The following NSD2 variants were observed in gnomAD, a reference collection of about 807,000 sequenced individuals.
NSD2 encodes histone-lysine N-methyltransferase NSD2.
In NSD2, 12 loss-of-function variants were observed where a neutral mutation model predicts 139.0. That is an observed-to-expected ratio of 0.09 (90% CI 0.06 to 0.14). The LOEUF (loss-of-function observed/expected upper bound fraction) is 0.14. Among genes scored for constraint, NSD2 ranks in the 10% least tolerant of loss-of-function variants. The pLI, the probability that NSD2 is intolerant of heterozygous loss-of-function variation, is 1.00. For missense variants in NSD2, 1,155 were observed against 1,745.0 expected, an observed-to-expected ratio of 0.66 and a Z score of 6.02; for synonymous variants, 669 against 648.7, an observed-to-expected ratio of 1.03 and a Z score of -0.48.
At chr4:1,970,364 G>A (rs879623904) in intron 18 of NSD2, among the ~76,000 whole-genome samples, 5 of 152,318 alleles carry the variant, frequency 3.3e-5, no homozygotes, top group Non-Finnish European at 7.4e-5. Context: ...TGGCTCTCTG[G>A]GTGTAACAGC....
At chr4:1,928,683 T>C (rs1367531889) in intron 5 of NSD2, among the ~76,000 whole-genome samples, 1 of 152,002 alleles carries the variant, frequency 6.6e-6, no homozygotes, top group Non-Finnish European at 1.5e-5. Flanking sequence ...TAAAGGACAC[T>C]GTTAGCATTC....
chr4:1,944,427 A>C, intron 9 of NSD2: 3 of 1,065,328 alleles, frequency 2.8e-6, no homozygotes, highest in Non-Finnish European at 3.4e-6. Context: ...AAGACATTTG[A>C]ATTGCCGGTT....
At position 1,979,447 on chromosome 4, in the gene NSD2, T is replaced by A. The variant is rs913516139; in HGVS notation, c.*538T>A. On this transcript the variant is annotated 3_prime_UTR_variant, in exon 22 of 22. Transcript: ENST00000508803. ...TGGAAATGGCTGTATCATTTTTTTG[T>A]ACTAATGTGAATTGTTCCTCAGAAA... 1.3e-5 allele frequency: 3 copies of A among 233,366 alleles called. No individual in the cohort carries two copies. The highest frequency in any genetic ancestry group is 6.6e-5 in the African/African-American group (3 of 45,356). The allele number at this position is 233,366 out of a possible 1,614,324, so 14.5% of individuals were successfully genotyped here. A position where few individuals can be genotyped will look rare whatever the true frequency, so the allele number is the denominator to read the frequency against.
intron 2 of NSD2, among the ~76,000 whole-genome samples, chr4:1,902,023 C>T (rs1717251172): frequency 6.6e-6 from 1 of 152,096 alleles, no homozygotes; most frequent in Non-Finnish European, 1.5e-5. Context: ...ACCAAGGGGC[C>T]ATGGCTTTGG....
intron 1 of NSD2, among the ~76,000 whole-genome samples, chr4:1,884,226 G>C (rs539235175): frequency 6.6e-6 from 1 of 151,930 alleles, no homozygotes; most frequent in East Asian, 1.9e-4. Context: ...CTCCCAAGTA[G>C]CTGGGACTAT....
At position 1,955,926 on chromosome 4, in the gene NSD2, AATT is replaced by A. The variant is rs1421663168; in HGVS notation, c.2676-51_2676-49del. The A allele has an allele frequency of 1.9e-6, 3 of 1,610,866 alleles. No homozygotes were observed. The highest frequency in any genetic ancestry group is 1.3e-5 in the African/African-American group (1 of 74,664). On this transcript the variant is annotated intron_variant, in intron 14 of 21. Coordinates refer to ENST00000508803, the MANE Select transcript of NSD2 (RefSeq NM_001042424.3). The surrounding 1 kb of genome is among the most constrained non-coding windows in gnomAD (Gnocchi z 4.7). ...CGCTTTACAGTACTTAAAGTATTGA[AATT>A]ATTATCGCTGTCTCTGAGGAGTCTG...
chr4:1,910,362 A>G (rs1025566734), intron 3 of NSD2, among the ~76,000 whole-genome samples: 15 of 152,040 alleles, frequency 9.9e-5, no homozygotes, highest in African/African-American at 3.6e-4. Flanking sequence ...AGTAGCTGGC[A>G]CTACAGGCAT....
chr4:1,916,110 C>CT (rs1719356052), intron 3 of NSD2, among the ~76,000 whole-genome samples: 1 of 152,124 alleles, frequency 6.6e-6, no homozygotes, highest in Admixed American at 6.5e-5. Flanking sequence ...GAGCTGCTCT[C>CT]TGAGGCCACT....
At chr4:1,937,388 A>T (rs1204224075) in intron 7 of NSD2, among the ~76,000 whole-genome samples, 1 of 152,140 alleles carries the variant, frequency 6.6e-6, no homozygotes, top group Non-Finnish European at 1.5e-5. Flanking sequence ...CTTTGCTGGC[A>T]ATCATACTGA....
chr4:1,959,378 T>A (rs1725144429), intron 16 of NSD2, 93 bp from the exon 17 acceptor site: 3 of 1,494,980 alleles, frequency 2.0e-6, no homozygotes, highest in Non-Finnish European at 9.1e-7. Flanking sequence ...AAAGGCCACC[T>A]GGAGGCTGGG....
At chr4:1,970,063 G>C (rs1207063051) in intron 18 of NSD2, among the ~76,000 whole-genome samples, 2 of 152,210 alleles carry the variant, frequency 1.3e-5, no homozygotes, top group Admixed American at 1.3e-4. Context: ...AGGAAAGAAA[G>C]AGAAGGATGC....
At chr4:1,872,623 A>AGAGAGAGAGC (rs1560534061) in intron 1 of NSD2, among the ~76,000 whole-genome samples, 1 of 143,834 alleles carries the variant, frequency 7.0e-6, no homozygotes, top group Admixed American at 7.0e-5. Context: ...AGAGAGAGAG[A>AGAGAGAGAGC]GAGAGAGAGA....
In NSD2 at chr4:1,978,671, T is replaced by C. The variant is rs1727394054; in HGVS notation, c.3860T>C (p.Val1287Ala). 2 of 1,613,520 alleles carry C rather than the reference T, an allele frequency of 1.2e-6. No homozygotes were observed. Among genetic ancestry groups the C allele is most frequent in the Non-Finnish European group, 8.5e-7 (1 of 1,179,636 alleles). The part of the protein sequence containing the change: ...KWECPWHHCD[V>A]CGKPSTSFCH... ...GAATGTCCTTGGCATCATTGTGACG[T>C]GTGTGGCAAACCTTCGACTTCATTT... The change falls in exon 22 of 22, where the codon GTG becomes GCG. Residue 1287 changes from valine (V) to alanine (A), a missense_variant. Val to Ala is a moderately conservative substitution (Grantham distance 64, BLOSUM62 0). This residue lies in a region of NSD2 where 25 missense variants were observed against 75.1 expected (regional missense o/e 0.33). Transcript: ENST00000508803.
intron 18 of NSD2, among the ~76,000 whole-genome samples, chr4:1,970,221 AAAAAC>A (rs903389574): frequency 1.3e-5 from 2 of 152,326 alleles, no homozygotes; most frequent in African/African-American, 4.8e-5. Context: ...ACCCAGGCAA[AAAAAC>A]AAAACAAAAA....
rs775004764 is a variant in NSD2, at chr4:1,935,225, G to A, written c.1637G>A (p.Arg546Lys). The change falls in exon 7 of 22, where the codon AGG (arginine) becomes AAG (lysine). Residue 546 changes from arginine to lysine, a missense_variant. Arg to Lys is a conservative substitution (Grantham distance 26). Coordinates refer to ENST00000508803, the MANE Select transcript of NSD2 (RefSeq NM_001042424.3). ...TEDAEAEDTP[R>K]KRLRTDKHSL... is the part of the protein sequence containing the mutation. ...GATGCTGAAGCTGAGGACACACCCA[G>A]GAAAAGACTCAGGACGGACAAGCAC... The A allele has an allele frequency of 6.2e-7, 1 of 1,613,594 alleles. No homozygotes were observed. Among genetic ancestry groups the A allele is most frequent in the Non-Finnish European group, 8.5e-7 (1 of 1,179,694 alleles).
At chr4:1,873,104 C>CT (rs1713991108) in intron 1 of NSD2, among the ~76,000 whole-genome samples, 1 of 152,142 alleles carries the variant, frequency 6.6e-6, no homozygotes, top group South Asian at 2.1e-4. Flanking sequence ...GAGTCATTTC[C>CT]TTTTCTTTCC....
Position 1,978,819 on chromosome 4 carries a change from C to T in NSD2, c.4008C>T (p.Thr1336=), listed in dbSNP as rs755796937. The T allele has an allele frequency of 1.5e-5, 24 of 1,609,214 alleles. No individual in the cohort carries two copies. Among genetic ancestry groups the T allele is most frequent in the Non-Finnish European group, 2.0e-5 (24 of 1,176,570 alleles). ...HDLGAASVRS[T]KTEKPPPEPG... ...TAGGGGCGGCATCGGTCAGAAGCAC[C>T]AAGACTGAGAAGCCCCCCCCAGAGC... The change falls in exon 22 of 22, where the codon ACC becomes ACT. Residue 1336 remains threonine, a synonymous_variant. Coordinates refer to ENST00000508803, the MANE Select transcript of NSD2 (RefSeq NM_001042424.3).
At chr4:1,919,896 A>G (rs990577039) in intron 5 of NSD2, among the ~76,000 whole-genome samples, 16 of 151,840 alleles carry the variant, frequency 1.1e-4, no homozygotes, top group Admixed American at 1.3e-4. Context: ...AGATTACACC[A>G]CTGCACTCCA....
At chr4:1,917,561 CA>C (rs1435598841) in intron 4 of NSD2, among the ~76,000 whole-genome samples, 6 of 151,982 alleles carry the variant, frequency 3.9e-5, no homozygotes, top group African/African-American at 1.4e-4. Flanking sequence ...CTCAGCCTCC[CA>C]AGTAGCTGGA....
Sources: gnomAD v4.1 joint callset for allele counts (sites outside exome capture counted in the v4.1 genomes callset) on GRCh38, gnomAD v4.1.1 for gene constraint, gnomAD v4.1.1 regional missense constraint, Gnocchi (gnomAD v3.1) non-coding constraint, MANE v1.5 for transcripts, NCBI Gene and HGNC (gene_info 2026-07-23, HGNC 2026-07-21) for gene names.